Variants in CD38 observed in about 807,000 individuals in gnomAD.
The protein encoded by CD38 is ADP-ribosyl cyclase/cyclic ADP-ribose hydrolase 1.
In CD38, 31 loss-of-function variants were observed where a neutral mutation model predicts 36.3. That is an observed-to-expected ratio of 0.85 (90% CI 0.64 to 1.15). CD38 has a LOEUF of 1.15. Ranked by LOEUF, CD38 falls within the 50% of genes most tolerant of loss-of-function variation. CD38 has a pLI of 0.00. For missense variants in CD38, 380 were observed against 371.9 expected, an observed-to-expected ratio of 1.02 and a Z score of -0.18; for synonymous variants, 131 against 135.2, an observed-to-expected ratio of 0.97 and a Z score of 0.22.
intron 2 of CD38, among the ~76,000 whole-genome samples, chr4:15,820,616 G>C (rs1483982507): frequency 1.3e-5 from 2 of 151,814 alleles, no homozygotes; most frequent in African/African-American, 4.8e-5. Context: ...GGATAAAGGG[G>C]TAAATTCAAC....
At chr4:15,828,150 G>A (rs1398098897) in intron 3 of CD38, among the ~76,000 whole-genome samples, 1 of 152,066 alleles carries the variant, frequency 6.6e-6, no homozygotes, top group Non-Finnish European at 1.5e-5. Flanking sequence ...AGGTAGCTGG[G>A]ACTACAGGTG....
chr4:15,818,214 T>A (rs781161277), intron 2 of CD38, among the ~76,000 whole-genome samples: 5 of 152,084 alleles, frequency 3.3e-5, no homozygotes, highest in Non-Finnish European at 5.9e-5. Flanking sequence ...GGTTTTCCCC[T>A]GACAGTGCTA....
intron 1 of CD38, among the ~76,000 whole-genome samples, chr4:15,787,998 C>A (rs1722879526): frequency 6.6e-6 from 1 of 152,238 alleles, no homozygotes. Flanking sequence ...TCGCCCTCTG[C>A]GTCAGGGTAA....
intron 6 of CD38, 36 bp downstream of exon 6, chr4:15,840,154 A>G (rs777582186): frequency 2.1e-6 from 3 of 1,426,070 alleles, no homozygotes; most frequent in South Asian, 1.1e-5. Flanking sequence ...GTGTTATTTT[A>G]TGAATCAGTC....
In CD38 at chr4:15,785,737, C is replaced by T. The variant is rs541997807; in HGVS notation, c.233+7090C>T. 5.3e-5 allele frequency among the ~76,000 whole-genome samples: 8 copies of T among 152,294 alleles called. No homozygotes were observed. In the South Asian group the frequency reaches 1.7e-3, roughly 32 times the overall value. ...GTTCTTTTTAAACTTTCTCTGAATC[C>T]TGTCAGGAAAGTTCCAGCAATCACA... is the stretch of plus-strand genomic sequence containing the variant. On this transcript the variant is annotated intron_variant, in intron 1 of 7. Transcript: ENST00000226279.
intron 3 of CD38, chr4:15,825,381 C>T (rs1009459638): frequency 4.6e-5 from 10 of 218,886 alleles, no homozygotes; most frequent in African/African-American, 2.1e-4. Flanking sequence ...AGGTGCCAGG[C>T]TGTTTGTAAT....
At chr4:15,827,008 A>G (rs1019860601) in intron 3 of CD38, among the ~76,000 whole-genome samples, 3 of 152,180 alleles carry the variant, frequency 2.0e-5, no homozygotes, top group Non-Finnish European at 4.4e-5. Flanking sequence ...GAAGTTCTTT[A>G]TAAATTAATA....
At chr4:15,790,653 G>A (rs1435850597) in intron 1 of CD38, among the ~76,000 whole-genome samples, 10 of 151,552 alleles carry the variant, frequency 6.6e-5, no homozygotes, top group African/African-American at 2.4e-4. Context: ...TGGGATATGA[G>A]GAGCCTCTCT....
rs372768079 is a variant in CD38 at position 15,801,124 on chromosome 4, A to G, written c.234-15387A>G. Among the ~76,000 whole-genome samples the G allele has an allele frequency of 1.1e-3, 163 of 152,180 alleles. 1 individual carries two copies. In the South Asian group the frequency reaches 0.011, roughly 10 times the overall value. On this transcript the variant is annotated intron_variant, in intron 1 of 7. Transcript: ENST00000226279. ...GTTACAATTGATACCACAAAAATAT[A>G]AAGGATCGTAAGAGACTATTATGAA...
At chr4:15,798,633 G>A (rs552067642) in intron 1 of CD38, among the ~76,000 whole-genome samples, 3 of 152,312 alleles carry the variant, frequency 2.0e-5, no homozygotes, top group African/African-American at 4.8e-5. Flanking sequence ...CGGAACCAAC[G>A]GCGTCTGCCA....
chr4:15,791,244 G>C (rs375460900), intron 1 of CD38, among the ~76,000 whole-genome samples: 37,383 of 37,520 alleles, frequency 1, 18,646 homozygotes, highest in Admixed American at 1. Context: ...CCGGCCGCCC[G>C]TACTGGGAAG....
chr4:15,786,297 G>T (rs1722827978), intron 1 of CD38, among the ~76,000 whole-genome samples: 2 of 152,206 alleles, frequency 1.3e-5, no homozygotes, highest in African/African-American at 2.4e-5. Context: ...TTTACAGAGG[G>T]CTGATTGGTC....
At chr4:15,793,698 C>T (rs1560308348) in intron 1 of CD38, among the ~76,000 whole-genome samples, 1 of 152,124 alleles carries the variant, frequency 6.6e-6, no homozygotes, top group East Asian at 1.9e-4. Flanking sequence ...GCCTGGAAGC[C>T]ATCTGGAAGC....
At chr4:15,791,534 A>G (rs1199602430) in intron 1 of CD38, among the ~76,000 whole-genome samples, 18 of 18,386 alleles carry the variant, frequency 9.8e-4, no homozygotes, top group Admixed American at 2.2e-3. Flanking sequence ...AGGTGGGGGG[A>G]TCAGCCCCCC....
intron 5 of CD38, among the ~76,000 whole-genome samples, chr4:15,839,569 A>C (rs1176424750): frequency 6.6e-6 from 1 of 151,310 alleles, no homozygotes; most frequent in Non-Finnish European, 1.5e-5. Flanking sequence ...GACTACAGGC[A>C]CCCACCACCA....
At chr4:15,826,959 G>C (rs1054806310) in intron 3 of CD38, among the ~76,000 whole-genome samples, 1 of 152,068 alleles carries the variant, frequency 6.6e-6, no homozygotes, top group Non-Finnish European at 1.5e-5. Flanking sequence ...CATATATTTT[G>C]ACCATCTGTA....
At chr4:15,836,958 TCCTATAACATAACCCAAAATCCA>T (rs1315411269) in intron 4 of CD38, among the ~76,000 whole-genome samples, 1 of 152,220 alleles carries the variant, frequency 6.6e-6, no homozygotes, top group Non-Finnish European at 1.5e-5. Flanking sequence ...GATACCACCA[TCCTATAACATAACCCAAAATCCA>T]CCCACTTCAA....
intron 5 of CD38, 134 bp from the exon 6 acceptor site, chr4:15,839,892 T>A: frequency 1.4e-6 from 1 of 698,378 alleles, no homozygotes; most frequent in Non-Finnish European, 2.6e-6. Context: ...GGTTATTGAC[T>A]GATTTGCAAT....
At position 15,816,757 on chromosome 4, in the gene CD38, G is replaced by A. The variant is rs538764864; in HGVS notation, c.363+117G>A. 7 of 1,104,782 alleles carry A rather than the reference G, an allele frequency of 6.3e-6. No homozygotes were observed. The South Asian group carries it at 7.5e-5, about 12-fold the overall frequency. The allele number at this position is 1,104,782 out of a possible 1,614,324, so 68.4% of individuals were successfully genotyped here. On this transcript the variant is annotated intron_variant, in intron 2 of 7. Transcript: ENST00000226279. ...AGGAAAAATCCAGACATTATAGTGT[G>A]AGTGTGGTTGGTAGGAATGGAATTT...
Sources: gnomAD v4.1 joint callset for allele counts (sites outside exome capture counted in the v4.1 genomes callset) on GRCh38, gnomAD v4.1.1 for gene constraint, MANE v1.5 for transcripts, NCBI Gene and HGNC (gene_info 2026-07-23, HGNC 2026-07-21) for gene names.